Variants in MIPOL1 observed in about 807,000 individuals in gnomAD.
MIPOL1 encodes mirror-image polydactyly 1.
In MIPOL1, 57 loss-of-function variants were observed where a neutral mutation model predicts 60.9. That is an observed-to-expected ratio of 0.94 (90% CI 0.76 to 1.17). The LOEUF (loss-of-function observed/expected upper bound fraction) is 1.17. MIPOL1 is among the 50% of genes most tolerant of loss of function. The pLI, the probability that MIPOL1 is intolerant of heterozygous loss-of-function variation, is 0.00. For missense variants in MIPOL1, 551 were observed against 511.6 expected (o/e 1.08, Z -0.74); for synonymous variants, 179 against 168.8 (o/e 1.06, Z -0.47).
intron 10 of MIPOL1, among the ~76,000 whole-genome samples, chr14:37,406,904 G>A (rs1326798459): frequency 2.6e-5 from 4 of 152,038 alleles, no homozygotes; most frequent in Non-Finnish European, 5.9e-5. Flanking sequence ...TTCAGAGTTG[G>A]AGTCAAGAAG....
Position 37,260,408 on chromosome 14 carries a change from G to C in MIPOL1, c.20-6530G>C, listed in dbSNP as rs182181360. On this transcript the variant is annotated intron_variant, in intron 3 of 12. Transcript: ENST00000684589. ...TAGAAAGGGAGACACACATAGATGA[G>C]AAGGCTGTGAACTGTAGAAACCACA... Among the ~76,000 whole-genome samples, 9 of 152,204 alleles carry C rather than the reference G, an allele frequency of 5.9e-5. No homozygotes were observed. In the East Asian group the frequency reaches 1.7e-3, roughly 29 times the overall value.
intron 9 of MIPOL1, among the ~76,000 whole-genome samples, chr14:37,310,509 T>C (rs1345275197): frequency 1.1e-4 from 16 of 152,212 alleles, no homozygotes; most frequent in Admixed American, 1.0e-3. Context: ...CTTTACTTTT[T>C]TCTAACTACA....
chr14:37,198,322 G>T (rs1369761995), intron 1 of MIPOL1: 1 of 152,318 alleles, frequency 6.6e-6, no homozygotes, highest in Non-Finnish European at 1.5e-5. Flanking sequence ...CTCTTTCTGG[G>T]TATGGTTTTG....
At chr14:37,395,502 T>G (rs1003648167) in intron 10 of MIPOL1, among the ~76,000 whole-genome samples, 3 of 152,156 alleles carry the variant, frequency 2.0e-5, no homozygotes, top group African/African-American at 7.2e-5. Flanking sequence ...TTTTATTTAT[T>G]TATTTATTTT....
chr14:37,270,751 A>G (rs900466152), intron 6 of MIPOL1, among the ~76,000 whole-genome samples: 2 of 149,886 alleles, frequency 1.3e-5, no homozygotes, highest in African/African-American at 2.5e-5. Flanking sequence ...CATTAAATGC[A>G]TTGTTAACAC....
intron 9 of MIPOL1, among the ~76,000 whole-genome samples, chr14:37,341,637 G>A (rs2090581919): frequency 1.3e-5 from 2 of 151,938 alleles, no homozygotes; most frequent in African/African-American, 4.8e-5. Context: ...TTTAGATGGG[G>A]TCTCACTGTG....
At chr14:37,231,064 T>C (rs183116526) in intron 1 of MIPOL1, among the ~76,000 whole-genome samples, 3 of 152,284 alleles carry the variant, frequency 2.0e-5, no homozygotes, top group African/African-American at 7.2e-5. Flanking sequence ...AGTACTCTAA[T>C]GACCAAGAAA....
chr14:37,497,845 A>G (rs1476229385), intron 11 of MIPOL1, among the ~76,000 whole-genome samples: 1 of 152,206 alleles, frequency 6.6e-6, no homozygotes. Context: ...GGTACAACTA[A>G]TTTGGAAGAC....
intron 10 of MIPOL1, among the ~76,000 whole-genome samples, chr14:37,417,580 G>A (rs1019596477): frequency 3.9e-5 from 6 of 152,006 alleles, no homozygotes; most frequent in African/African-American, 1.2e-4. Flanking sequence ...TTTGGGTATC[G>A]TTACACAAGT....
At position 37,527,615 on chromosome 14, in the gene MIPOL1, T is replaced by G. The variant is rs117948536; in HGVS notation, c.1263-19290T>G. On this transcript the variant is annotated intron_variant, in intron 12 of 12. Coordinates refer to ENST00000684589, the MANE Select transcript of MIPOL1 (RefSeq NM_001388067.1). ...AGGTTTGAACCCTTAGATTCTAGAT[T>G]GGGTTCATTTGAATGTGAGAGATTA... 1.7e-3 allele frequency among the ~76,000 whole-genome samples: 266 copies of G among 152,176 alleles called. 1 individual carries two copies. Among genetic ancestry groups the G allele is most frequent in the East Asian group, 6.2e-3 (32 of 5,172 alleles).
chr14:37,224,626 C>A (rs977044120), intron 1 of MIPOL1, among the ~76,000 whole-genome samples: 3 of 152,084 alleles, frequency 2.0e-5, no homozygotes, highest in African/African-American at 7.2e-5. Flanking sequence ...CCCATTGAGT[C>A]CCTCCTACAA....
intron 11 of MIPOL1, among the ~76,000 whole-genome samples, chr14:37,497,119 C>T (rs1224877832): frequency 6.6e-6 from 1 of 152,060 alleles, no homozygotes; most frequent in Admixed American, 6.5e-5. Flanking sequence ...GGATCCCTTC[C>T]TTACACCTTA....
intron 3 of MIPOL1, among the ~76,000 whole-genome samples, chr14:37,259,198 G>A (rs188828349): frequency 1.3e-5 from 2 of 152,136 alleles, no homozygotes. Flanking sequence ...ATAGCTACAC[G>A]TAGCCTTTAC....
intron 11 of MIPOL1, among the ~76,000 whole-genome samples, chr14:37,452,104 C>T (rs1212860973): frequency 6.6e-6 from 1 of 151,924 alleles, no homozygotes. Flanking sequence ...CGTGAGCCAC[C>T]GCGCCCGGCC....
intron 1 of MIPOL1, among the ~76,000 whole-genome samples, chr14:37,226,110 A>G (rs974162859): frequency 6.6e-6 from 1 of 152,206 alleles, no homozygotes; most frequent in African/African-American, 2.4e-5. Flanking sequence ...GGGCAAAGCC[A>G]TTCAACAAGT....
intron 12 of MIPOL1, among the ~76,000 whole-genome samples, chr14:37,528,495 A>G (rs2095461176): frequency 6.6e-6 from 1 of 152,122 alleles, no homozygotes; most frequent in African/African-American, 2.4e-5. Flanking sequence ...GGCTATTTAT[A>G]GAGATATCCT....
At chr14:37,234,683 C>T (rs1594639110) in intron 1 of MIPOL1, among the ~76,000 whole-genome samples, 1 of 151,956 alleles carries the variant, frequency 6.6e-6, no homozygotes, top group African/African-American at 2.4e-5. Context: ...AAAGTGTTAG[C>T]AAAGCCTAAA....
intron 9 of MIPOL1, among the ~76,000 whole-genome samples, chr14:37,346,136 C>G (rs2090929448): frequency 6.6e-6 from 1 of 152,072 alleles, no homozygotes; most frequent in Non-Finnish European, 1.5e-5. Flanking sequence ...TCAAGACCAG[C>G]CTGACCAACA....
intron 7 of MIPOL1, among the ~76,000 whole-genome samples, chr14:37,307,016 T>C (rs1198839988): frequency 6.6e-6 from 1 of 151,838 alleles, no homozygotes; most frequent in Non-Finnish European, 1.5e-5. Context: ...TCTGTTAAAA[T>C]ACTAAGTTCT....
Sources: allele counts gnomAD v4.1 joint callset (sites outside exome capture counted in the v4.1 genomes callset), GRCh38; gene constraint gnomAD v4.1.1; transcripts MANE v1.5; gene names NCBI Gene and HGNC (gene_info 2026-07-23, HGNC 2026-07-21).